Variants in MSANTD4 observed in about 807,000 individuals in gnomAD.
MSANTD4 encodes the protein myb/SANT-like DNA-binding domain-containing protein 4.
In MSANTD4, 13 loss-of-function variants were observed where a neutral mutation model predicts 34.3. The observed-to-expected ratio is 0.38, with a 90% confidence interval of 0.25 to 0.60. The LOEUF (loss-of-function observed/expected upper bound fraction) is 0.60. Among genes scored for constraint, MSANTD4 ranks in the 20% least tolerant of loss-of-function variants. The probability of loss-of-function intolerance (pLI) is 0.63; values close to 1 mark genes in which losing one functional copy is unlikely to be tolerated. For missense variants in MSANTD4, 358 were observed against 401.8 expected (o/e 0.89, Z 0.93); for synonymous variants, 137 against 145.2 (o/e 0.94, Z 0.41).
chr11:106,009,903 C>A lies in MSANTD4; in HGVS notation c.670G>T (p.Glu224Ter). Residue 224 changes from glutamate (E) to a stop codon, truncating the protein, a stop_gained, in exon 3 of 3, where the codon GAA (glutamate) becomes TAA (stop). Coordinates refer to ENST00000301919, the MANE Select transcript of MSANTD4 (RefSeq NM_032424.3). LOFTEE classifies it high-confidence loss of function. The stretch of plus-strand genomic sequence containing the variant: ...CGTTCCTTTTCTACCTGCAGCCTTT[C>A]GGCCTCGATATCCAGTCGTCGTTTT... The part of the protein sequence containing the change: ...LEKRRLDIEA[E>*]RLQVEKERLQ... The A allele has an allele frequency of 1.2e-6, 2 of 1,613,626 alleles. No individual in the cohort carries two copies. Among genetic ancestry groups the A allele is most frequent in the South Asian group, 1.1e-5 (1 of 90,964 alleles).
chr11:106,017,500 T>A (rs561599281), intron 1 of MSANTD4, among the ~76,000 whole-genome samples: 26 of 152,316 alleles, frequency 1.7e-4, no homozygotes, highest in African/African-American at 5.5e-4. Context: ...CCCATTTTTT[T>A]AAAACAGCAA....
intron 1 of MSANTD4, among the ~76,000 whole-genome samples, chr11:106,012,168 C>CAAAAAGA (rs1859716480): frequency 6.7e-6 from 1 of 148,400 alleles, no homozygotes; most frequent in Non-Finnish European, 1.5e-5. Context: ...AATGATCACT[C>CAAAAAGA]AAAAAGAAAA....
rs1369149774 is a variant in MSANTD4 at position 106,011,004 on chromosome 11, T to C, written c.-87A>G. The C allele has an allele frequency of 2.1e-6, 3 of 1,453,234 alleles. No homozygotes were observed. The highest frequency in any genetic ancestry group is 2.8e-5 in the African/African-American group (2 of 70,326). The allele number at this position is 1,453,234 out of a possible 1,614,324, so 90.0% of individuals were successfully genotyped here. A position where few individuals can be genotyped will look rare whatever the true frequency, so the allele number is the denominator to read the frequency against. ...AGCACAAAAACCAGGGATAATTCTT[T>C]GCTGGCCCTTAGTTCAAATCATTGT... On this transcript the variant is annotated 5_prime_UTR_variant, in exon 2 of 3. Coordinates refer to ENST00000301919, the MANE Select transcript of MSANTD4 (RefSeq NM_032424.3).
In MSANTD4 at chr11:106,010,443, G is replaced by C. The variant is rs781657978; in HGVS notation, c.462+13C>G. 2 of 1,601,398 alleles carry C rather than the reference G, an allele frequency of 1.2e-6. No individual in the cohort carries two copies. The highest frequency in any genetic ancestry group is 3.4e-5 in the Admixed American group (2 of 59,284). ...TGAAAAGATTAAAAGAGGGTACAGA[G>C]GCTAATACTTACTTCAGGACTCTGC... On this transcript the variant is annotated intron_variant, in intron 2 of 2. Transcript: ENST00000301919.
intron 1 of MSANTD4, among the ~76,000 whole-genome samples, chr11:106,018,368 A>T (rs1391226718): frequency 6.6e-6 from 1 of 152,214 alleles, no homozygotes; most frequent in Non-Finnish European, 1.5e-5. Context: ...TCAAAAGTGT[A>T]GGTCTATAGC....
In MSANTD4 at chr11:106,021,171, A is replaced by G. The variant is rs1055763426; in HGVS notation, c.-360T>C. On this transcript the variant is annotated 5_prime_UTR_variant, in exon 1 of 3. It removes the in-frame stop codon of an upstream open reading frame in the 5' UTR. Coordinates refer to ENST00000301919, the MANE Select transcript of MSANTD4 (RefSeq NM_032424.3). ...ATAAAATGTGAAAATATGTCATTTT[A>G]GATGTCAAACACTATCCCTTTTCTA... 6.6e-6 allele frequency: 1 copy of G among 152,228 alleles called. No individual in the cohort carries two copies. Among genetic ancestry groups the G allele is most frequent in the Non-Finnish European group, 1.5e-5 (1 of 68,046 alleles). 9.4% of individuals were successfully genotyped at this position (152,228 alleles called of 1,614,324 possible).
chr11:106,018,544 G>A (rs1467428723), intron 1 of MSANTD4, among the ~76,000 whole-genome samples: 5 of 152,150 alleles, frequency 3.3e-5, no homozygotes, highest in Non-Finnish European at 2.9e-5. Context: ...GAGAATCAAT[G>A]TTAAGAGTTT....
At position 106,009,833 on chromosome 11, in the gene MSANTD4, T is replaced by C. The variant is rs759894860; in HGVS notation, c.740A>G (p.His247Arg). 1.9e-6 allele frequency: 3 copies of C among 1,614,096 alleles called. No individual in the cohort carries two copies. Among genetic ancestry groups the C allele is most frequent in the African/African-American group, 1.3e-5 (1 of 74,938 alleles). ...CTCCTTCTCTAGCTGAAGCCGCTCATGTTCCATGTCTAAATGCCGCAGCCT... is the reference window on the plus strand; with the variant it reads ...CTCCTTCTCTAGCTGAAGCCGCTCACGTTCCATGTCTAAATGCCGCAGCCT... The part of the protein sequence containing the change: ...KERLRHLDME[H>R]ERLQLEKERL... Residue 247 changes from histidine to arginine, a missense_variant, in exon 3 of 3, where the codon CAT becomes CGT. By Grantham distance (29) the His-to-Arg change is conservative. Coordinates refer to ENST00000301919, the MANE Select transcript of MSANTD4 (RefSeq NM_032424.3).
intron 1 of MSANTD4, among the ~76,000 whole-genome samples, chr11:106,013,756 G>C (rs1034395165): frequency 2.6e-5 from 4 of 152,182 alleles, no homozygotes; most frequent in Admixed American, 6.5e-5. Flanking sequence ...CAGCTACTCA[G>C]GAGGCTGAGG....
At chr11:106,017,014 A>G (rs1216695541) in intron 1 of MSANTD4, among the ~76,000 whole-genome samples, 1 of 152,244 alleles carries the variant, frequency 6.6e-6, no homozygotes, top group African/African-American at 2.4e-5. Context: ...GCATTTACAT[A>G]GCCTTTTGAG....
intron 1 of MSANTD4, among the ~76,000 whole-genome samples, chr11:106,018,557 T>G (rs1205871681): frequency 6.6e-6 from 1 of 152,190 alleles, no homozygotes; most frequent in Non-Finnish European, 1.5e-5. Context: ...AAGAGTTTAC[T>G]TGGTGAAATA....
chr11:106,009,765 T>A lies in MSANTD4; in HGVS notation c.808A>T (p.Asn270Tyr), dbSNP rs779949187. The A allele has an allele frequency of 6.2e-7, 1 of 1,614,230 alleles. No individual in the cohort carries two copies. The highest frequency in any genetic ancestry group is 8.5e-7 in the Non-Finnish European group (1 of 1,180,042). ...TTTTCCAAGGACGGTTTCTCTGAATTGACTATCTGTAACCTCAACTTTTCT... is the reference window on the plus strand; with the variant it reads ...TTTTCCAAGGACGGTTTCTCTGAATAGACTATCTGTAACCTCAACTTTTCT... ...EREKLRLQIV[N>Y]SEKPSLENEL... The change falls in exon 3 of 3, where the codon AAT becomes TAT. Residue 270 changes from asparagine (N) to tyrosine (Y), a missense_variant. Coordinates refer to ENST00000301919, the MANE Select transcript of MSANTD4 (RefSeq NM_032424.3).
In MSANTD4 at chr11:106,010,882, A is replaced by G. The variant is rs1417995727; in HGVS notation, c.36T>C (p.Phe12=). ...AAAGGGTCTGAGTTTCTTGAACACT[A>G]AAATTGCTTTTCCTTTTTCTTTTCA... is the stretch of plus-strand genomic sequence containing the variant. ...KQLKRKRKSN[F]SVQETQTLLK... Residue 12 remains phenylalanine, a synonymous_variant, in exon 2 of 3, where the codon TTT becomes TTC. Transcript: ENST00000301919. 2 of 1,604,910 alleles carry G rather than the reference A, an allele frequency of 1.2e-6. No individual in the cohort carries two copies. Among genetic ancestry groups the G allele is most frequent in the Non-Finnish European group, 1.7e-6 (2 of 1,175,898 alleles).
chr11:106,013,905 A>G (rs1018027560), intron 1 of MSANTD4, among the ~76,000 whole-genome samples: 7 of 152,206 alleles, frequency 4.6e-5, no homozygotes, highest in African/African-American at 1.2e-4. Context: ...GTAAGTTTTG[A>G]GATGTCATTT....
chr11:106,016,759 G>A (rs1202216627), intron 1 of MSANTD4, among the ~76,000 whole-genome samples: 3 of 152,144 alleles, frequency 2.0e-5, no homozygotes, highest in Non-Finnish European at 2.9e-5. Context: ...ACTAAACAAT[G>A]AGACAGTTAA....
chr11:106,012,300 C>T (rs909189164), intron 1 of MSANTD4, among the ~76,000 whole-genome samples: 4 of 152,122 alleles, frequency 2.6e-5, no homozygotes, highest in Admixed American at 6.5e-5. Flanking sequence ...CTCCCTTAAA[C>T]CACCAAACAA....
chr11:106,014,213 T>A (rs992040694), intron 1 of MSANTD4, among the ~76,000 whole-genome samples: 1 of 152,252 alleles, frequency 6.6e-6, no homozygotes, highest in Admixed American at 6.5e-5. Context: ...AACTAACTTA[T>A]GTAACCTTCC....
chr11:106,021,339 T>G lies in MSANTD4; in HGVS notation c.-528A>C, dbSNP rs1447648777. 3 of 152,166 alleles carry G rather than the reference T, an allele frequency of 2.0e-5. No homozygotes were observed. Among genetic ancestry groups the G allele is most frequent in the African/African-American group, 7.2e-5 (3 of 41,422 alleles). 9.4% of individuals were successfully genotyped at this position (152,166 alleles called of 1,614,324 possible). ...GTTCTTCACTAGTTGGAAACAGGAATGAGATGTAGTTCACTTACGTAATCC... is the reference window on the plus strand; with the variant it reads ...GTTCTTCACTAGTTGGAAACAGGAAGGAGATGTAGTTCACTTACGTAATCC... On this transcript the variant is annotated 5_prime_UTR_variant, in exon 1 of 3. Coordinates refer to ENST00000301919, the MANE Select transcript of MSANTD4 (RefSeq NM_032424.3).
At position 106,021,197 on chromosome 11, in the gene MSANTD4, T is replaced by A. The variant is rs531419281; in HGVS notation, c.-386A>T. The A allele has an allele frequency of 6.6e-6, 1 of 152,254 alleles. No homozygotes were observed. Among genetic ancestry groups the A allele is most frequent in the Non-Finnish European group, 1.5e-5 (1 of 68,038 alleles). The allele number at this position is 152,254 out of a possible 1,614,324, so 9.4% of individuals were successfully genotyped here. ...GATGTCAAACACTATCCCTTTTCTA[T>A]TGCCTGTCATCGCTCTCTTAGCAGA... On this transcript the variant is annotated 5_prime_UTR_variant, in exon 1 of 3. Coordinates refer to ENST00000301919, the MANE Select transcript of MSANTD4 (RefSeq NM_032424.3).
Sources: allele counts gnomAD v4.1 joint callset (sites outside exome capture counted in the v4.1 genomes callset), GRCh38; gene constraint gnomAD v4.1.1; transcripts MANE v1.5; gene names NCBI Gene and HGNC (gene_info 2026-07-23, HGNC 2026-07-21).